Variants in CRADD observed in about 807,000 individuals in gnomAD.
The protein encoded by CRADD is death domain-containing protein CRADD.
Under a neutral mutation model 15.5 loss-of-function variants are expected in CRADD, and 9 were observed. The ratio of observed to expected loss-of-function variants is 0.58; its 90% confidence interval spans 0.35 to 1.01. The LOEUF (loss-of-function observed/expected upper bound fraction) is 1.01. Among genes scored for constraint, CRADD ranks in the 50% least tolerant of loss-of-function variants. The pLI, the probability that CRADD is intolerant of heterozygous loss-of-function variation, is 0.02. For synonymous variants in CRADD, 118 were observed against 107.6 expected, an observed-to-expected ratio of 1.10 and a Z score of -0.60; for missense variants, 227 against 250.3, an observed-to-expected ratio of 0.91 and a Z score of 0.63.
At chr12:93,696,928 A>G (rs1053313852) in intron 2 of CRADD, among the ~76,000 whole-genome samples, 5 of 152,200 alleles carry the variant, frequency 3.3e-5, no homozygotes, top group Admixed American at 1.3e-4. Context: ...ATCATTTTAT[A>G]TCAGGGACTT....
At chr12:93,877,427 C>T (rs895468812) in intron 2 of CRADD, among the ~76,000 whole-genome samples, 1 of 152,216 alleles carries the variant, frequency 6.6e-6, no homozygotes, top group African/African-American at 2.4e-5. Context: ...TGGCAAAGTC[C>T]CCCAGACACC....
chr12:93,891,496 G>A (rs1392288830), intron 2 of CRADD, among the ~76,000 whole-genome samples: 2 of 152,114 alleles, frequency 1.3e-5, no homozygotes, highest in South Asian at 4.1e-4. Context: ...CAAAAAAAGG[G>A]AATAAATCTC....
intron 2 of CRADD, among the ~76,000 whole-genome samples, chr12:93,864,015 G>A (rs1240608028): frequency 1.3e-5 from 2 of 151,938 alleles, no homozygotes; most frequent in African/African-American, 4.8e-5. Flanking sequence ...ACATGAAGTC[G>A]GGAAACACTG....
chr12:93,853,865 T>G (rs143720628), downstream of CRADD, among the ~76,000 whole-genome samples: 94 of 152,276 alleles, frequency 6.2e-4, no homozygotes, highest in East Asian at 0.014. Context: ...AGCTTTCCAG[T>G]GTGTGGATGC....
At chr12:93,867,314 T>C (rs192386450) in intron 2 of CRADD, among the ~76,000 whole-genome samples, 1 of 149,666 alleles carries the variant, frequency 6.7e-6, no homozygotes, top group East Asian at 2.0e-4. Flanking sequence ...TCCTGTATGT[T>C]AGTTAGTGGG....
intron 2 of CRADD, among the ~76,000 whole-genome samples, chr12:93,699,917 C>G (rs377346584): frequency 1.3e-5 from 2 of 152,164 alleles, no homozygotes; most frequent in Non-Finnish European, 2.9e-5. Context: ...GAATTCTGAA[C>G]ATGTACTAGC....
At chr12:93,870,946 C>T (rs1958413828) in intron 2 of CRADD, among the ~76,000 whole-genome samples, 1 of 152,208 alleles carries the variant, frequency 6.6e-6, no homozygotes, top group Non-Finnish European at 1.5e-5. Flanking sequence ...AGTCTGGTAA[C>T]TGTGACATAA....
At position 93,732,565 on chromosome 12, in the gene CRADD, A is replaced by G. The variant is rs139182763; in HGVS notation, c.298+53493A>G. On this transcript the variant is annotated intron_variant, in intron 2 of 2. Transcript: ENST00000332896. The stretch of plus-strand genomic sequence containing the variant: ...TTTTTGACCCTGTTCTTCTGTTTTG[A>G]CATTCTCCTTTGAAGGCATACAAGT... 1.5e-3 allele frequency among the ~76,000 whole-genome samples: 236 copies of G among 152,302 alleles called. 4 individuals carry two copies. The East Asian group carries it at 0.04, about 26-fold the overall frequency.
chr12:93,751,767 G>A (rs1351237626), intron 2 of CRADD, among the ~76,000 whole-genome samples: 3 of 152,212 alleles, frequency 2.0e-5, no homozygotes, highest in Non-Finnish European at 4.4e-5. Context: ...GGGAGACTGA[G>A]GCCAGGGAAT....
chr12:93,823,107 A>G (rs1264179863), intron 2 of CRADD, among the ~76,000 whole-genome samples: 3 of 152,216 alleles, frequency 2.0e-5, no homozygotes, highest in Non-Finnish European at 4.4e-5. Context: ...AGCCTGGTCA[A>G]CATGGTGAAA....
intron 2 of CRADD, among the ~76,000 whole-genome samples, chr12:93,879,595 T>G (rs941513511): frequency 2.0e-5 from 3 of 152,176 alleles, no homozygotes; most frequent in Non-Finnish European, 4.4e-5. Flanking sequence ...GCCAGCAGGT[T>G]GCCCTCAAAT....
chr12:93,808,148 GA>G (rs1373814406), intron 2 of CRADD, among the ~76,000 whole-genome samples: 1 of 151,936 alleles, frequency 6.6e-6, no homozygotes, highest in Non-Finnish European at 1.5e-5. Context: ...GGAGCTGTGT[GA>G]AGGGAGAGCT....
At chr12:93,809,738 C>T (rs966279093) in intron 2 of CRADD, among the ~76,000 whole-genome samples, 1 of 152,174 alleles carries the variant, frequency 6.6e-6, no homozygotes, top group East Asian at 1.9e-4. Context: ...CTTGGCATAG[C>T]TGGTTTACAC....
rs929516607 is a variant in CRADD, at chr12:93,767,824, T to A, written c.299-82146T>A. Among the ~76,000 whole-genome samples the A allele has an allele frequency of 7.9e-5, 12 of 152,248 alleles. 1 individual carries two copies. The highest frequency in any genetic ancestry group is 5.2e-4 in the Admixed American group (8 of 15,278). ...GTAAGCTTCTTATGACCTGAAAAGATGTATTTTAAATGCAATCAATACAAG... is the reference window on the plus strand; with the variant it reads ...GTAAGCTTCTTATGACCTGAAAAGAAGTATTTTAAATGCAATCAATACAAG... On this transcript the variant is annotated intron_variant, in intron 2 of 2. Coordinates refer to ENST00000332896, the MANE Select transcript of CRADD (RefSeq NM_003805.5).
At chr12:93,786,329 C>T (rs1957277539) in intron 2 of CRADD, among the ~76,000 whole-genome samples, 1 of 152,132 alleles carries the variant, frequency 6.6e-6, no homozygotes, top group Admixed American at 6.5e-5. Flanking sequence ...ACGTATACAT[C>T]TGTATTTAAC....
chr12:93,725,448 T>TGCTGTCTTTATTGACTTGAAAG (rs368689495), intron 2 of CRADD, among the ~76,000 whole-genome samples: 5,619 of 152,260 alleles, frequency 0.037, 317 homozygotes, highest in African/African-American at 0.12. Context: ...TTGAACCAAA[T>TGCTGTCTTTATTGACTTGAAAG]GCCATTACTG....
downstream of CRADD, among the ~76,000 whole-genome samples, chr12:93,854,285 G>A (rs1958253068): frequency 6.6e-6 from 1 of 152,176 alleles, no homozygotes; most frequent in Non-Finnish European, 1.5e-5. Context: ...GAAAGTAGTA[G>A]GCTATTTCCT....
At chr12:93,875,431 T>C (rs7136883) in intron 2 of CRADD, among the ~76,000 whole-genome samples, 53,951 of 151,632 alleles carry the variant, frequency 0.36, 10,930 homozygotes, top group Middle Eastern at 0.47. Context: ...GACTTACTTC[T>C]TCCACTTTGT....
intron 2 of CRADD, among the ~76,000 whole-genome samples, chr12:93,773,549 G>A (rs1294478328): frequency 1.3e-5 from 2 of 152,142 alleles, no homozygotes; most frequent in Non-Finnish European, 2.9e-5. Flanking sequence ...TCAGCAGTGT[G>A]AAACAGACTA....
Sources: gnomAD v4.1 joint callset for allele counts (sites outside exome capture counted in the v4.1 genomes callset) on GRCh38, gnomAD v4.1.1 for gene constraint, MANE v1.5 for transcripts, NCBI Gene and HGNC (gene_info 2026-07-23, HGNC 2026-07-21) for gene names.